The following ADGRB3 variants were observed in gnomAD, a reference collection of about 807,000 sequenced individuals.
The protein encoded by ADGRB3 is brain-specific angiogenesis inhibitor 3.
Under a neutral mutation model 193.4 loss-of-function variants are expected in ADGRB3, and 37 were observed. The ratio of observed to expected loss-of-function variants is 0.19; its 90% CI spans 0.15 to 0.25. The LOEUF is 0.25. Ranked by LOEUF, ADGRB3 falls within the 10% of genes least tolerant of loss-of-function variation. The pLI is 1.00. For missense variants in ADGRB3, 1,637 were observed against 1,852.9 expected (o/e 0.88, Z 2.14); for synonymous variants, 690 against 644.2 (o/e 1.07, Z -1.08).
intron 3 of ADGRB3, among the ~76,000 whole-genome samples, chr6:68,763,781 G>T (rs1766458078): frequency 6.6e-6 from 1 of 151,978 alleles, no homozygotes; most frequent in South Asian, 2.1e-4. Flanking sequence ...TAGACATGAG[G>T]CCGGTGCGGT....
At position 69,332,932 on chromosome 6, in the gene ADGRB3, G is replaced by A; in HGVS notation, c.3112G>A (p.Val1038Met). 1 of 1,613,758 alleles carries A rather than the reference G, an allele frequency of 6.2e-7. No homozygotes were observed. Among genetic ancestry groups the A allele is most frequent in the Non-Finnish European group, 8.5e-7 (1 of 1,179,818 alleles). Residue 1038 changes from valine to methionine, a missense_variant, in exon 24 of 32, where the codon GTG becomes ATG. Around this residue, in one of 7 missense-constraint regions of ADGRB3, gnomAD observed 87 missense variants for 161.0 expected, o/e 0.54. Coordinates refer to ENST00000370598, the MANE Select transcript of ADGRB3 (RefSeq NM_001704.3). ...TGTTTCTGTTTGACAGGTCAACATG[G>A]TGATTGGCATTTTGGTATTTAATAA... ...PAAAVVLVNM[V>M]IGILVFNKLV...
chr6:68,690,616 A>G (rs904599800), intron 3 of ADGRB3, among the ~76,000 whole-genome samples: 4 of 152,124 alleles, frequency 2.6e-5, no homozygotes, highest in Admixed American at 2.0e-4. Context: ...AGTTTGACTT[A>G]GAAAACTTTG....
chr6:69,264,586 A>G (rs1009844295), intron 20 of ADGRB3, among the ~76,000 whole-genome samples: 6 of 151,738 alleles, frequency 4.0e-5, no homozygotes, highest in African/African-American at 9.7e-5. Flanking sequence ...AGTGCTGCAC[A>G]TACTATCTGA....
chr6:68,904,289 T>C, intron 3 of ADGRB3, among the ~76,000 whole-genome samples: 1 of 152,088 alleles, frequency 6.6e-6, no homozygotes, highest in Non-Finnish European at 1.5e-5. Context: ...AGTAATGCAT[T>C]GCACTATGTA....
rs533163203 is a variant in ADGRB3 at position 68,653,097 on chromosome 6, C to A, written c.757+13665C>A. On this transcript the variant is annotated intron_variant, in intron 3 of 31. Coordinates refer to ENST00000370598, the MANE Select transcript of ADGRB3 (RefSeq NM_001704.3). ...ACTTCTGATCTGAGTCATTTTATTG[C>A]TGGAGTAAGACTGTGAAAGTGTCTT... 1.7e-3 allele frequency among the ~76,000 whole-genome samples: 252 copies of A among 152,150 alleles called. 1 individual carries two copies. The highest frequency in any genetic ancestry group is 5.9e-3 in the African/African-American group (246 of 41,528).
intron 17 of ADGRB3, among the ~76,000 whole-genome samples, chr6:69,181,288 GA>G (rs751328871): frequency 0.013 from 1,821 of 145,498 alleles, 22 homozygotes; most frequent in Non-Finnish European, 0.017. Flanking sequence ...TCACTATCTT[GA>G]AAAAAAAAAT....
At chr6:68,897,732 G>T (rs1766273319) in intron 3 of ADGRB3, among the ~76,000 whole-genome samples, 2 of 69,034 alleles carry the variant, frequency 2.9e-5, no homozygotes. Flanking sequence ...ATAGGGGAGG[G>T]CAGGAAGAGG....
At chr6:69,014,375 C>CT (rs985982314) in intron 12 of ADGRB3, among the ~76,000 whole-genome samples, 80 of 147,608 alleles carry the variant, frequency 5.4e-4, no homozygotes, top group East Asian at 1.6e-3. Flanking sequence ...CAATAAGTTC[C>CT]TTTTTTTTTT....
chr6:69,094,058 G>A (rs909406486), intron 17 of ADGRB3, among the ~76,000 whole-genome samples: 1 of 152,146 alleles, frequency 6.6e-6, no homozygotes, highest in African/African-American at 2.4e-5. Context: ...ATCCAGGAAG[G>A]CAGACAGTCA....
At chr6:68,696,784 A>C (rs1031049479) in intron 3 of ADGRB3, among the ~76,000 whole-genome samples, 1 of 152,092 alleles carries the variant, frequency 6.6e-6, no homozygotes, top group African/African-American at 2.4e-5. Flanking sequence ...TTTATATTAC[A>C]GGAGGTCAAC....
At chr6:69,016,320 A>G (rs1169720706) in intron 12 of ADGRB3, among the ~76,000 whole-genome samples, 8 of 151,984 alleles carry the variant, frequency 5.3e-5, no homozygotes, top group Non-Finnish European at 1.0e-4. Flanking sequence ...GAAAAAAAAC[A>G]CATTCATTAT....
intron 3 of ADGRB3, among the ~76,000 whole-genome samples, chr6:68,813,744 C>T (rs905409239): frequency 3.9e-5 from 6 of 152,060 alleles, no homozygotes; most frequent in African/African-American, 1.2e-4. Context: ...GTGTGATGTT[C>T]CCCTTCCTGT....
At chr6:69,233,165 A>ATTT in intron 17 of ADGRB3, 125 bp from the exon 18 acceptor site, 1 of 1,278,646 alleles carries the variant, frequency 7.8e-7, no homozygotes, top group Admixed American at 2.3e-5. Context: ...CAACAAGTAG[A>ATTT]TTTTTTTTTC....
intron 3 of ADGRB3, among the ~76,000 whole-genome samples, chr6:68,787,985 G>C (rs1767012468): frequency 6.6e-6 from 1 of 152,088 alleles, no homozygotes; most frequent in African/African-American, 2.4e-5. Context: ...GTATTTCTGT[G>C]GGATTGGTGG....
chr6:69,132,857 T>C (rs566945798), intron 17 of ADGRB3, among the ~76,000 whole-genome samples: 6 of 152,314 alleles, frequency 3.9e-5, no homozygotes, highest in Admixed American at 3.3e-4. Flanking sequence ...TAGCCAGTTT[T>C]CTAGACACCA....
At chr6:68,643,438 C>CTTTTTTTTTTTTTT (rs765489730) in intron 3 of ADGRB3, among the ~76,000 whole-genome samples, 23 of 65,018 alleles carry the variant, frequency 3.5e-4, no homozygotes, top group South Asian at 8.2e-4. Flanking sequence ...CTTCATCTTC[C>CTTTTTTTTTTTTTT]TTTTTTTTTT....
chr6:68,746,462 A>T (rs1766088163), intron 3 of ADGRB3, among the ~76,000 whole-genome samples: 1 of 152,230 alleles, frequency 6.6e-6, no homozygotes, highest in African/African-American at 2.4e-5. Context: ...TATATAATCA[A>T]ATAAACTGGA....
At chr6:69,237,710 A>T (rs1056408458) in intron 19 of ADGRB3, among the ~76,000 whole-genome samples, 2 of 152,068 alleles carry the variant, frequency 1.3e-5, no homozygotes, top group Non-Finnish European at 2.9e-5. Context: ...TCATAATGTC[A>T]TCTGTGTGTT....
chr6:69,048,871 T>A (rs1464954290), intron 14 of ADGRB3, among the ~76,000 whole-genome samples: 5 of 152,040 alleles, frequency 3.3e-5, no homozygotes, highest in Non-Finnish European at 7.4e-5. Flanking sequence ...TGAGAAAAAA[T>A]TAAGTTTTTA....
Sources: gnomAD v4.1 joint callset for allele counts (sites outside exome capture counted in the v4.1 genomes callset) on GRCh38, gnomAD v4.1.1 for gene constraint, gnomAD v4.1.1 regional missense constraint, MANE v1.5 for transcripts, NCBI Gene and HGNC (gene_info 2026-07-23, HGNC 2026-07-21) for gene names.